CD160: variants seen among roughly 807,000 people sequenced by gnomAD.
CD160 encodes CD160 antigen.
In CD160, 11 loss-of-function variants were observed where a neutral mutation model predicts 19.2. The observed-to-expected ratio is 0.57, with a 90% confidence interval of 0.36 to 0.95. The LOEUF is 0.95. CD160 is among the 40% of genes least tolerant of loss of function. The pLI is 0.01. For synonymous variants in CD160, 75 were observed against 81.1 expected (o/e 0.93, Z 0.40); for missense variants, 182 against 213.2 (o/e 0.85, Z 0.91).
At position 145,731,034 on chromosome 1, in the gene CD160, C is replaced by T. The variant is rs200857991; in HGVS notation, c.364C>T (p.Arg122Cys). The T allele has an allele frequency of 5.0e-5, 81 of 1,613,996 alleles. No individual in the cohort carries two copies. Among genetic ancestry groups the T allele is most frequent in the East Asian group, 6.7e-5 (3 of 44,894 alleles). The change falls in exon 4 of 6, where the codon CGC becomes TGC. Residue 122 changes from arginine (R) to cysteine (C), a missense_variant. Arg to Cys is a radical substitution (Grantham distance 180). Transcript: ENST00000369288. ...CCARSQKSGI[R>C]LQGHFFSILF... ...TGCCAGAAGCCAGAAGTCAGGTATCCGCCTTCAGGGCCATTTTTTCTCCAT... is the reference window on the plus strand; with the variant it reads ...TGCCAGAAGCCAGAAGTCAGGTATCTGCCTTCAGGGCCATTTTTTCTCCAT...
At chr1:145,730,233 T>C (rs868994802) in intron 3 of CD160, among the ~76,000 whole-genome samples, 4 of 152,220 alleles carry the variant, frequency 2.6e-5, no homozygotes, top group African/African-American at 9.6e-5. Flanking sequence ...AGCAGGAGGA[T>C]TGCTTGAGCC....
chr1:145,720,409 G>A (rs1656784163), intron 1 of CD160, among the ~76,000 whole-genome samples: 1 of 152,176 alleles, frequency 6.6e-6, no homozygotes, highest in East Asian at 1.9e-4. Flanking sequence ...CACCTGCTTT[G>A]GTGTGTTGAG....
Position 145,730,863 on chromosome 1 carries a change from T to A in CD160, c.193T>A (p.Ser65Thr). 1 of 1,613,986 alleles carries A rather than the reference T, an allele frequency of 6.2e-7. No homozygotes were observed. Among genetic ancestry groups the A allele is most frequent in the Non-Finnish European group, 8.5e-7 (1 of 1,179,974 alleles). Residue 65 changes from serine to threonine, a missense_variant, in exon 4 of 6, where the codon TCT becomes ACT. By Grantham distance (58) the Ser-to-Thr change is moderately conservative (BLOSUM62 1). Coordinates refer to ENST00000369288, the MANE Select transcript of CD160 (RefSeq NM_007053.4). ...TGTAGTGTTTTTGTGCAAGGACAGG[T>A]CTGGAGACTGTTCTCCTGAGACCAG... ...GFVVFLCKDR[S>T]GDCSPETSLK...
intron 4 of CD160, among the ~76,000 whole-genome samples, chr1:145,733,408 G>A (rs1657371411): frequency 6.6e-6 from 1 of 152,114 alleles, no homozygotes; most frequent in Non-Finnish European, 1.5e-5. Context: ...CCAAAGTGCT[G>A]GGATTACAGG....
At chr1:145,722,690 C>T (rs1553707966) in intron 1 of CD160, among the ~76,000 whole-genome samples, 3 of 152,204 alleles carry the variant, frequency 2.0e-5, no homozygotes, top group Non-Finnish European at 2.9e-5. Flanking sequence ...CTCTCGGGCT[C>T]ACGCCATTCT....
intron 5 of CD160, 59 bp from the exon 6 acceptor site, chr1:145,738,427 T>C (rs1307993117): frequency 3.7e-5 from 44 of 1,175,270 alleles, no homozygotes; most frequent in Non-Finnish European, 4.6e-5. Context: ...CTTCATTATA[T>C]CAGGTATTTT....
chr1:145,737,407 C>T (rs1229545173), intron 5 of CD160: 1 of 152,332 alleles, frequency 6.6e-6, no homozygotes, highest in Non-Finnish European at 1.5e-5. Flanking sequence ...ATTGACTCCT[C>T]CCCTTTCCAG....
intron 5 of CD160, chr1:145,737,751 C>CAAAAAAAAAA (rs35767467): frequency 8.3e-6 from 1 of 120,832 alleles, no homozygotes; most frequent in Non-Finnish European, 1.8e-5. Flanking sequence ...CATCCTAGAG[C>CAAAAAAAAAA]AAAAAAAAAA....
intron 1 of CD160, among the ~76,000 whole-genome samples, chr1:145,722,826 C>A (rs958047682): frequency 1.3e-5 from 2 of 152,082 alleles, no homozygotes; most frequent in Non-Finnish European, 2.9e-5. Flanking sequence ...GATCTCCTGA[C>A]CTCGTGATCT....
intron 3 of CD160, among the ~76,000 whole-genome samples, chr1:145,730,219 C>T (rs782356687): frequency 1.3e-5 from 2 of 152,196 alleles, no homozygotes; most frequent in Middle Eastern, 3.4e-3. Context: ...ATTCGGAAGG[C>T]GGAAGCAGGA....
intron 3 of CD160, 47 bp from the exon 4 acceptor site, chr1:145,730,697 A>G (rs1553709000): frequency 6.6e-7 from 1 of 1,516,398 alleles, no homozygotes; most frequent in Non-Finnish European, 9.0e-7. Context: ...GGTGAAATTC[A>G]CAGAATGCTA....
intron 1 of CD160, among the ~76,000 whole-genome samples, chr1:145,721,009 C>A (rs1218439017): frequency 4.6e-5 from 7 of 152,186 alleles, no homozygotes; most frequent in African/African-American, 1.7e-4. Context: ...GCCAACTCCA[C>A]GGGCACCCTC....
chr1:145,735,573 A>G (rs1441125425), intron 4 of CD160, among the ~76,000 whole-genome samples: 1 of 152,198 alleles, frequency 6.6e-6, no homozygotes, highest in Non-Finnish European at 1.5e-5. Context: ...TGACAGAGCA[A>G]GACCCTGTCT....
At chr1:145,735,308 A>G (rs1055537690) in intron 4 of CD160, among the ~76,000 whole-genome samples, 1 of 152,004 alleles carries the variant, frequency 6.6e-6, no homozygotes, top group Non-Finnish European at 1.5e-5. Context: ...GATCTAGTCC[A>G]GGTGCAGTGT....
rs587598943 is a variant in CD160 at position 145,730,784 on chromosome 1, G to A, written c.114G>A (p.Thr38=). The A allele has an allele frequency of 1.3e-4, 215 of 1,613,974 alleles. No homozygotes were observed. The highest frequency in any genetic ancestry group is 1.7e-4 in the Non-Finnish European group (203 of 1,180,018). ...NITSSASQEG[T]RLNLICTVWH... ...CCAGCTCAGCTTCCCAGGAAGGAAC[G>A]CGACTAAACTTAATCTGTACTGTAT... The change falls in exon 4 of 6, where the codon ACG becomes ACA. Residue 38 remains threonine (T), a synonymous_variant. Transcript: ENST00000369288.
intron 4 of CD160, among the ~76,000 whole-genome samples, chr1:145,731,562 C>G (rs1657294239): frequency 2.0e-5 from 3 of 152,136 alleles, no homozygotes; most frequent in Non-Finnish European, 4.4e-5. Context: ...CCCAGCTACT[C>G]AGGAGGCTAA....
At chr1:145,722,765 G>C (rs1442188021) in intron 1 of CD160, among the ~76,000 whole-genome samples, 1 of 151,884 alleles carries the variant, frequency 6.6e-6, no homozygotes, top group Non-Finnish European at 1.5e-5. Flanking sequence ...CTAATTTTTT[G>C]TATTTTTTTT....
chr1:145,734,978 G>A (rs587723697), intron 4 of CD160, among the ~76,000 whole-genome samples: 100 of 152,124 alleles, frequency 6.6e-4, no homozygotes, highest in Non-Finnish European at 1.1e-3. Context: ...GTGGTAGCAC[G>A]CACCTGTAAT....
Position 145,728,573 on chromosome 1 carries a change from G to C in CD160, c.73+173G>C, listed in dbSNP as rs587648322. Among the ~76,000 whole-genome samples the C allele has an allele frequency of 6.8e-5, 10 of 146,634 alleles. 1 individual carries two copies. In the East Asian group the frequency reaches 1.0e-3, roughly 15 times the overall value. On this transcript the variant is annotated intron_variant, in intron 3 of 5. Transcript: ENST00000369288. ...GGCTGGAGTGCAGTGGCGCGATCTC[G>C]GCTCACTGCAACCTCCGCCTCCCAT...
Sources: allele counts gnomAD v4.1 joint callset (sites outside exome capture counted in the v4.1 genomes callset), GRCh38; gene constraint gnomAD v4.1.1; transcripts MANE v1.5; gene names NCBI Gene and HGNC (gene_info 2026-07-23, HGNC 2026-07-21).